BRWD1: variants seen among roughly 807,000 people sequenced by gnomAD.
BRWD1 encodes bromodomain and WD repeat domain containing 1.
BRWD1 carries 82 observed loss-of-function variants against 251.2 expected under a neutral mutation model. The ratio of observed to expected loss-of-function variants is 0.33; its 90% CI spans 0.27 to 0.39. The LOEUF (loss-of-function observed/expected upper bound fraction) is 0.39, where lower values mean the gene tolerates loss of function less well. Ranked by LOEUF, BRWD1 falls within the 10% of genes least tolerant of loss-of-function variation. The probability of loss-of-function intolerance (pLI) is 1.00; values close to 1 mark genes in which losing one functional copy is unlikely to be tolerated. For missense variants in BRWD1, 2,233 were observed against 2,711.6 expected, an observed-to-expected ratio of 0.82 and a Z score of 3.92; for synonymous variants, 918 against 902.8, an observed-to-expected ratio of 1.02 and a Z score of -0.30.
chr21:39,270,544 T>C, intron 13 of BRWD1, 111 bp from the exon 14 acceptor site: 1 of 915,174 alleles, frequency 1.1e-6, no homozygotes, highest in South Asian at 1.9e-5. Flanking sequence ...GCCTATCTTA[T>C]CAACCCTACA....
chr21:39,212,408 A>G (rs1338426005), intron 34 of BRWD1, among the ~76,000 whole-genome samples: 4 of 152,106 alleles, frequency 2.6e-5, no homozygotes, highest in Non-Finnish European at 5.9e-5. Flanking sequence ...ATGCCATGCC[A>G]TATTTCTCTA....
At chr21:39,200,965 C>A (rs2032079268) in intron 38 of BRWD1, among the ~76,000 whole-genome samples, 1 of 152,156 alleles carries the variant, frequency 6.6e-6, no homozygotes, top group African/African-American at 2.4e-5. Context: ...GCCTGGGCGA[C>A]AGAAAGAGAC....
At chr21:39,222,744 G>A (rs548607394) in intron 29 of BRWD1, among the ~76,000 whole-genome samples, 126 of 152,104 alleles carry the variant, frequency 8.3e-4, no homozygotes, top group Non-Finnish European at 1.5e-3. Flanking sequence ...AATTATCAAC[G>A]GATGCTACAA....
At position 39,186,695 on chromosome 21, in the gene BRWD1, C is replaced by T. The variant is rs2031253952; in HGVS notation, c.*9564G>A. The T allele has an allele frequency of 1.1e-5, 2 of 185,346 alleles. No individual in the cohort carries two copies. The highest frequency in any genetic ancestry group is 3.6e-4 in the South Asian group (2 of 5,540). The allele number at this position is 185,346 out of a possible 1,614,324, so 11.5% of individuals were successfully genotyped here. The stretch of plus-strand genomic sequence containing the variant: ...TTTGTTCACTTCAAGTTCTTCCTAG[C>T]CTGTACACTTCCCATTATATTCTTC... On this transcript the variant is annotated 3_prime_UTR_variant, in exon 41 of 41. Coordinates refer to ENST00000342449, the MANE Select transcript of BRWD1 (RefSeq NM_033656.4).
intron 36 of BRWD1, 93 bp from the exon 37 acceptor site, chr21:39,206,367 A>T: frequency 1.0e-6 from 1 of 955,906 alleles, no homozygotes; most frequent in Non-Finnish European, 1.5e-6. Context: ...GCAATGTATT[A>T]TATCACTGCT....
At chr21:39,266,129 G>A (rs1010907467) in intron 15 of BRWD1, among the ~76,000 whole-genome samples, 20 of 151,950 alleles carry the variant, frequency 1.3e-4, no homozygotes, top group Admixed American at 9.8e-4. Context: ...TCACGTCCAC[G>A]CCCAAGTAAG....
In BRWD1 at chr21:39,276,117, T is replaced by C. The variant is rs527693733; in HGVS notation, c.1145+56A>G. ...ATGACAGGTTAGCTATACTAACATGTAGCACATTATATTTGCCTAATAACA... is the reference window on the plus strand; with the variant it reads ...ATGACAGGTTAGCTATACTAACATGCAGCACATTATATTTGCCTAATAACA... On this transcript the variant is annotated intron_variant, in intron 12 of 40. Coordinates refer to ENST00000342449, the MANE Select transcript of BRWD1 (RefSeq NM_033656.4). The C allele has an allele frequency of 3.8e-5, 57 of 1,486,344 alleles. No homozygotes were observed. In the South Asian group the frequency reaches 6.9e-4, roughly 18 times the overall value. 92.1% of individuals were successfully genotyped at this position (1,486,344 alleles called of 1,614,324 possible). A position where few individuals can be genotyped will look rare whatever the true frequency, so the allele number is the denominator to read the frequency against.
chr21:39,189,742 A>G lies in BRWD1; in HGVS notation c.*6517T>C. ...TTACTGAAAACTGAGTAAATTATAA[A>G]GTGCTTTTTCTCAAGAAAACTACAA... On this transcript the variant is annotated 3_prime_UTR_variant, in exon 41 of 41. Transcript: ENST00000342449. The G allele has an allele frequency of 1.0e-6, 1 of 981,570 alleles. No homozygotes were observed. Among genetic ancestry groups the G allele is most frequent in the Non-Finnish European group, 1.2e-6 (1 of 826,444 alleles). 60.8% of individuals were successfully genotyped at this position (981,570 alleles called of 1,614,324 possible). A position where few individuals can be genotyped will look rare whatever the true frequency, so the allele number is the denominator to read the frequency against.
intron 4 of BRWD1, among the ~76,000 whole-genome samples, chr21:39,310,915 T>C (rs921170986): frequency 2.6e-5 from 4 of 152,094 alleles, no homozygotes; most frequent in African/African-American, 7.2e-5. Context: ...AAACGATACA[T>C]ATACCATTAA....
At chr21:39,283,969 C>G (rs967778387) in intron 8 of BRWD1, among the ~76,000 whole-genome samples, 1 of 152,134 alleles carries the variant, frequency 6.6e-6, no homozygotes, top group African/African-American at 2.4e-5. Context: ...GTGCTACAAT[C>G]TCATGTGTCT....
chr21:39,302,204 G>A (rs997377661), intron 4 of BRWD1, among the ~76,000 whole-genome samples: 2 of 151,360 alleles, frequency 1.3e-5, no homozygotes, highest in African/African-American at 4.9e-5. Flanking sequence ...GGCTGGTCTC[G>A]AACTCCTGAC....
At chr21:39,296,077 T>C (rs976403726) in intron 6 of BRWD1, among the ~76,000 whole-genome samples, 174 bp from the exon 7 acceptor site, 2 of 152,178 alleles carry the variant, frequency 1.3e-5, no homozygotes, top group Non-Finnish European at 2.9e-5. Flanking sequence ...CTTCTTACTA[T>C]AAAAAGATTT....
At chr21:39,203,338 G>A (rs995674545) in intron 37 of BRWD1, among the ~76,000 whole-genome samples, 5 of 151,466 alleles carry the variant, frequency 3.3e-5, no homozygotes, top group African/African-American at 1.2e-4. Context: ...TATGATCGCA[G>A]CTACTCAGGA....
At chr21:39,216,362 A>G (rs2032891689) in intron 31 of BRWD1, among the ~76,000 whole-genome samples, 1 of 152,006 alleles carries the variant, frequency 6.6e-6, no homozygotes, top group East Asian at 1.9e-4. Flanking sequence ...ATACAAAGAA[A>G]AAAAATAAAG....
intron 36 of BRWD1, among the ~76,000 whole-genome samples, chr21:39,207,487 C>CACACACACACACACACAA (rs1453453078): frequency 4.1e-5 from 6 of 146,496 alleles, no homozygotes; most frequent in Non-Finnish European, 7.5e-5. Context: ...CACACACAAA[C>CACACACACACACACACAA]AAAACTCCAA....
intron 21 of BRWD1, among the ~76,000 whole-genome samples, chr21:39,246,496 T>A (rs2034193857): frequency 6.6e-6 from 1 of 152,180 alleles, no homozygotes; most frequent in Non-Finnish European, 1.5e-5. Context: ...CGACCCAGCA[T>A]ACCATCTCCT....
rs185601396 is a variant in BRWD1 at position 39,289,974 on chromosome 21, G to A, written c.831+3837C>T. ...CGGGAGCCAGAGCTTGCAGTGAGCCGAGATCGCGCCACTGCACTCCAGCCT... is the reference window on the plus strand; with the variant it reads ...CGGGAGCCAGAGCTTGCAGTGAGCCAAGATCGCGCCACTGCACTCCAGCCT... On this transcript the variant is annotated intron_variant, in intron 8 of 40. Transcript: ENST00000342449. Among the ~76,000 whole-genome samples, 1,109 of 149,192 alleles carry A rather than the reference G, an allele frequency of 7.4e-3. 8 individuals are homozygous for A. The highest frequency in any genetic ancestry group is 0.021 in the Middle Eastern group (6 of 282).
At chr21:39,235,193 G>A (rs2033766388) in intron 23 of BRWD1, among the ~76,000 whole-genome samples, 1 of 152,178 alleles carries the variant, frequency 6.6e-6, no homozygotes, top group Non-Finnish European at 1.5e-5. Context: ...AGGCTGCAGT[G>A]AGCCAAGATT....
At chr21:39,281,616 G>C (rs1313886156) in intron 8 of BRWD1, among the ~76,000 whole-genome samples, 1 of 152,188 alleles carries the variant, frequency 6.6e-6, no homozygotes, top group African/African-American at 2.4e-5. Context: ...GATCACTTGA[G>C]GTCAGAAGTT....
Sources: allele counts gnomAD v4.1 joint callset (sites outside exome capture counted in the v4.1 genomes callset), GRCh38; gene constraint gnomAD v4.1.1; transcripts MANE v1.5; gene names NCBI Gene and HGNC (gene_info 2026-07-23, HGNC 2026-07-21).